ARHGAP22: variants seen among roughly 807,000 people sequenced by gnomAD.
The protein encoded by ARHGAP22 is Rho GTPase activating protein 22.
Under a neutral mutation model 59.1 loss-of-function variants are expected in ARHGAP22, and 48 were observed. The observed-to-expected ratio is 0.81, with a 90% confidence interval of 0.64 to 1.03. ARHGAP22 has a LOEUF of 1.03. Among genes scored for constraint, ARHGAP22 ranks in the 50% least tolerant of loss-of-function variants. The pLI is 0.00. For synonymous variants in ARHGAP22, 445 were observed against 416.4 expected (o/e 1.07, Z -0.84); for missense variants, 1,015 against 958.7 (o/e 1.06, Z -0.78).
chr10:48,522,934 A>T (rs2053943020), intron 3 of ARHGAP22, among the ~76,000 whole-genome samples: 1 of 152,226 alleles, frequency 6.6e-6, no homozygotes, highest in Non-Finnish European at 1.5e-5. Context: ...TCCTGTGTAA[A>T]TGTGGGGTCC....
chr10:48,534,185 G>A (rs1253996216), intron 3 of ARHGAP22, among the ~76,000 whole-genome samples: 1 of 152,252 alleles, frequency 6.6e-6, no homozygotes, highest in Non-Finnish European at 1.5e-5. Context: ...GAAGGAATGT[G>A]TCTGCAGCTC....
At chr10:48,461,354 T>C (rs575801245) in intron 4 of ARHGAP22, among the ~76,000 whole-genome samples, 1 of 152,190 alleles carries the variant, frequency 6.6e-6, no homozygotes, top group Non-Finnish European at 1.5e-5. Flanking sequence ...GGTAACACTG[T>C]GTCTCTCCCC....
intron 9 of ARHGAP22, among the ~76,000 whole-genome samples, chr10:48,448,664 A>G (rs754368): frequency 0.94 from 141,797 of 150,868 alleles, 67,168 homozygotes; most frequent in East Asian, 1. Flanking sequence ...CCTGCTGGAC[A>G]GGACAGGTGC....
At chr10:48,567,259 A>AGTAGTGGT (rs1282242642) in intron 2 of ARHGAP22, among the ~76,000 whole-genome samples, 1 of 152,112 alleles carries the variant, frequency 6.6e-6, no homozygotes, top group Non-Finnish European at 1.5e-5. Flanking sequence ...ACTGGTCCTC[A>AGTAGTGGT]CCCAGTGGCC....
intron 1 of ARHGAP22, among the ~76,000 whole-genome samples, chr10:48,649,482 TTGGACACTC>T (rs1302268486): frequency 6.6e-6 from 1 of 152,188 alleles, no homozygotes; most frequent in Non-Finnish European, 1.5e-5. Flanking sequence ...CTCCTTCTCT[TTGGACACTC>T]TGGCTGGGTA....
intron 3 of ARHGAP22, among the ~76,000 whole-genome samples, chr10:48,518,526 G>A (rs2053512807): frequency 6.6e-6 from 1 of 152,240 alleles, no homozygotes; most frequent in Admixed American, 6.5e-5. Context: ...CAAACAAGGA[G>A]CAAGGTGACT....
In ARHGAP22 at chr10:48,450,274, T is replaced by A. The variant is rs529068160; in HGVS notation, c.1855A>T (p.Arg619Trp). 3.1e-6 allele frequency: 5 copies of A among 1,609,826 alleles called. 1 individual carries two copies. In the South Asian group the frequency reaches 5.5e-5, roughly 18 times the overall value. ...GCAGCAAGTTACCTTTTCACACTCC[T>A]CTCGTACTCAGTCCGCTGGCGGCAC... Reference protein sequence around the residue: ...ELCRQRTEYERSVKRIEEGSA... With the variant: ...ELCRQRTEYEWSVKRIEEGSA... Residue 619 changes from arginine to tryptophan, a missense_variant, in exon 9 of 10, where the codon AGG becomes TGG. Transcript: ENST00000249601.
At chr10:48,584,308 T>C (rs954984739) in intron 1 of ARHGAP22, among the ~76,000 whole-genome samples, 16 of 152,232 alleles carry the variant, frequency 1.1e-4, no homozygotes, top group African/African-American at 3.9e-4. Flanking sequence ...CTTCTGCCCA[T>C]GTGGTCCCAC....
At chr10:48,507,354 T>C (rs1196827782) in intron 3 of ARHGAP22, among the ~76,000 whole-genome samples, 3 of 152,216 alleles carry the variant, frequency 2.0e-5, no homozygotes, top group Admixed American at 6.5e-5. Flanking sequence ...TTACTTTGCA[T>C]ACATTTCTAG....
At chr10:48,451,244 C>T (rs1255176598) in intron 8 of ARHGAP22, 104 bp from the exon 9 acceptor site, 8 of 1,464,032 alleles carry the variant, frequency 5.5e-6, no homozygotes, top group Non-Finnish European at 7.5e-6. Context: ...CTGGCCCTGT[C>T]CCCAGAGCCA....
downstream of ARHGAP22, chr10:48,443,994 C>T (rs930256203): frequency 1.3e-5 from 2 of 152,148 alleles, no homozygotes; most frequent in Admixed American, 1.3e-4. Context: ...TCTTTAAAGT[C>T]AAACACAAGT....
chr10:48,582,174 G>C (rs533210410), intron 2 of ARHGAP22, among the ~76,000 whole-genome samples: 16 of 152,326 alleles, frequency 1.1e-4, no homozygotes, highest in African/African-American at 3.4e-4. Flanking sequence ...TCCGTGACCT[G>C]TGACACCGAA....
chr10:48,584,472 C>T (rs747754345), intron 1 of ARHGAP22, among the ~76,000 whole-genome samples: 124 of 152,328 alleles, frequency 8.1e-4, no homozygotes, highest in Middle Eastern at 3.4e-3. Flanking sequence ...CCCTCCCCTA[C>T]CAGGACAGGT....
chr10:48,555,740 G>A (rs541693513), intron 2 of ARHGAP22, among the ~76,000 whole-genome samples, 190 bp from the exon 3 acceptor site: 3 of 152,148 alleles, frequency 2.0e-5, no homozygotes, highest in African/African-American at 4.8e-5. Context: ...AGTCCCAGGT[G>A]GATTAAGGTG....
At chr10:48,436,035 G>A in the ARHGAP22 span, 2 of 152,136 alleles carry the variant, frequency 1.3e-5, no homozygotes, top group Admixed American at 1.3e-4. Flanking sequence ...TTGAGCACCA[G>A]TTGTTCTGGT....
In ARHGAP22 at chr10:48,529,858, A is replaced by G. The variant is rs1589973767; in HGVS notation, c.322+25605T>C. On this transcript the variant is annotated intron_variant, in intron 3 of 9. Coordinates refer to ENST00000249601, the MANE Select transcript of ARHGAP22 (RefSeq NM_021226.4). The stretch of plus-strand genomic sequence containing the variant: ...AACAAAACATAAAAGTAGGGAAAGA[A>G]CACCCTATTCAACAAATGGTGCTGT... Among the ~76,000 whole-genome samples, 3 of 152,100 alleles carry G rather than the reference A, an allele frequency of 2.0e-5. No individual in the cohort carries two copies. In the South Asian group the frequency reaches 6.2e-4, roughly 32 times the overall value.
At chr10:48,510,360 C>T (rs2052629790) in intron 3 of ARHGAP22, among the ~76,000 whole-genome samples, 1 of 152,242 alleles carries the variant, frequency 6.6e-6, no homozygotes, top group East Asian at 1.9e-4. Context: ...GCACTGGGGC[C>T]TGCGGCAAAG....
chr10:48,448,166 C>A (rs541163844), intron 9 of ARHGAP22, among the ~76,000 whole-genome samples: 124 of 152,318 alleles, frequency 8.1e-4, no homozygotes, highest in African/African-American at 2.9e-3. Flanking sequence ...AAGGCCCCAC[C>A]CATTGCCCCC....
At chr10:48,552,241 C>T (rs1204351509) in intron 3 of ARHGAP22, among the ~76,000 whole-genome samples, 1 of 152,224 alleles carries the variant, frequency 6.6e-6, no homozygotes, top group African/African-American at 2.4e-5. Context: ...GAGTGAGGGA[C>T]CCATTGTGGT....
Sources: allele counts gnomAD v4.1 joint callset (sites outside exome capture counted in the v4.1 genomes callset), GRCh38; gene constraint gnomAD v4.1.1; transcripts MANE v1.5; gene names NCBI Gene and HGNC (gene_info 2026-07-23, HGNC 2026-07-21).